Variants in PSMD1 observed in about 807,000 individuals in gnomAD.
PSMD1 encodes the protein proteasome 26S subunit, non-ATPase 1.
In PSMD1, 18 loss-of-function variants were observed where a neutral mutation model predicts 119.0. The observed-to-expected ratio is 0.15, with a 90% CI of 0.10 to 0.22. The LOEUF (loss-of-function observed/expected upper bound fraction) is 0.22. PSMD1 is among the 10% of genes least tolerant of loss of function. The pLI is 1.00. For synonymous variants in PSMD1, 374 were observed against 396.6 expected (o/e 0.94, Z 0.68); for missense variants, 702 against 1,158.5 (o/e 0.61, Z 5.72).
intron 18 of PSMD1, among the ~76,000 whole-genome samples, chr2:231,147,172 A>C (rs1038273782): frequency 1.3e-5 from 2 of 152,128 alleles, no homozygotes; most frequent in African/African-American, 4.8e-5. Flanking sequence ...GGGTGACTCC[A>C]TAATAGTTTT....
At chr2:231,123,611 T>C in intron 16 of PSMD1, 1 of 1,614,160 alleles carries the variant, frequency 6.2e-7, no homozygotes, top group Non-Finnish European at 8.5e-7. Context: ...TGCAGTTTAT[T>C]TCCCTGTTCC....
Position 231,165,629 on chromosome 2 carries a change from T to C in PSMD1, c.2569-242T>C, listed in dbSNP as rs180755605. ...ATTATCACTTGTTTAGGTAGACCTTTTTCTGATCTCTGCTGGTAGAAAAAC... is the reference window on the plus strand; with the variant it reads ...ATTATCACTTGTTTAGGTAGACCTTCTTCTGATCTCTGCTGGTAGAAAAAC... On this transcript the variant is annotated intron_variant, in intron 22 of 24. Transcript: ENST00000308696. Among the ~76,000 whole-genome samples, 3 of 152,284 alleles carry C rather than the reference T, an allele frequency of 2.0e-5. No homozygotes were observed. In the East Asian group the frequency reaches 5.8e-4, roughly 29 times the overall value.
At chr2:231,109,830 C>T (rs1053322076) in intron 16 of PSMD1, among the ~76,000 whole-genome samples, 13 of 152,100 alleles carry the variant, frequency 8.5e-5, no homozygotes, top group Non-Finnish European at 1.6e-4. Flanking sequence ...TACATTTATT[C>T]AATATCTTTA....
chr2:231,097,768 G>A (rs1370803809), intron 16 of PSMD1, among the ~76,000 whole-genome samples: 1 of 152,078 alleles, frequency 6.6e-6, no homozygotes, highest in East Asian at 1.9e-4. Flanking sequence ...AGACCCATAG[G>A]GGGCTTCTCT....
rs535910756 is a variant in PSMD1, at chr2:231,104,368, A to G, written c.1883+17187A>G. ...TTTGCTGAGTTTTCCACTACATAGT[A>G]TAGTCAAATAAGTTATTTATGTGCT... is the stretch of plus-strand genomic sequence containing the variant. On this transcript the variant is annotated intron_variant, in intron 16 of 24. Coordinates refer to ENST00000308696, the MANE Select transcript of PSMD1 (RefSeq NM_002807.4). Among the ~76,000 whole-genome samples, 322 of 152,284 alleles carry G rather than the reference A, an allele frequency of 2.1e-3. 1 individual carries two copies. Among genetic ancestry groups the G allele is most frequent in the African/African-American group, 6.8e-3 (282 of 41,572 alleles).
intron 4 of PSMD1, among the ~76,000 whole-genome samples, chr2:231,066,096 T>C (rs1373711040): frequency 6.6e-6 from 1 of 152,198 alleles, no homozygotes; most frequent in Non-Finnish European, 1.5e-5. Context: ...TTATATAACA[T>C]CTAGGTTTGT....
intron 18 of PSMD1, among the ~76,000 whole-genome samples, chr2:231,152,325 A>G (rs1696393430): frequency 1.3e-5 from 2 of 152,312 alleles, no homozygotes; most frequent in East Asian, 1.9e-4. Context: ...TGTTAGTAGC[A>G]TTTAGATTGC....
In PSMD1 at chr2:231,057,032, A is replaced by T; in HGVS notation, c.7A>T (p.Thr3Ser). 6.5e-7 allele frequency: 1 copy of T among 1,533,888 alleles called. No homozygotes were observed. Among genetic ancestry groups the T allele is most frequent in the South Asian group, 1.2e-5 (1 of 83,516 alleles). ...GCGAGTGAGGGGCGCAGCCATGATC[A>T]CCTCGGCCGGTGAGTGCGGCCCGTA... is the stretch of plus-strand genomic sequence containing the variant. MI[T>S]SAAGIISLLD... Residue 3 changes from threonine (T) to serine (S), a missense_variant, in exon 1 of 25, where the codon ACC becomes TCC. Physicochemically the swap from Thr to Ser is moderately conservative, Grantham distance 58. Transcript: ENST00000308696.
At chr2:231,084,664 T>G (rs1351449704) in intron 14 of PSMD1, among the ~76,000 whole-genome samples, 1 of 152,154 alleles carries the variant, frequency 6.6e-6, no homozygotes, top group Non-Finnish European at 1.5e-5. Context: ...CCCAGGAATT[T>G]AAATAAGGTA....
intron 19 of PSMD1, among the ~76,000 whole-genome samples, chr2:231,160,558 T>A (rs771721314): frequency 9.9e-5 from 15 of 152,220 alleles, no homozygotes; most frequent in Non-Finnish European, 5.9e-5. Context: ...TGTATTTGCA[T>A]ATGATTGAAG....
chr2:231,121,996 A>G (rs1477146157), intron 16 of PSMD1, among the ~76,000 whole-genome samples: 2 of 133,592 alleles, frequency 1.5e-5, no homozygotes, highest in African/African-American at 5.5e-5. Context: ...ATGCATATAT[A>G]TTTCTACATA....
chr2:231,077,017 T>G lies in PSMD1; in HGVS notation c.943-17T>G, dbSNP rs1252724826. ...ACTGTTTATGAGTTTTCATTTTTTT[T>G]TTGTTTGTTTTGGCAGAGTCCAGAG... On this transcript the variant is annotated splice_polypyrimidine_tract_variant and intron_variant, in intron 8 of 24. Coordinates refer to ENST00000308696, the MANE Select transcript of PSMD1 (RefSeq NM_002807.4). The G allele has an allele frequency of 1.9e-6, 3 of 1,580,934 alleles. No individual in the cohort carries two copies. Among genetic ancestry groups the G allele is most frequent in the East Asian group, 2.3e-5 (1 of 44,290 alleles).
chr2:231,074,983 T>G (rs1315509252), intron 7 of PSMD1, among the ~76,000 whole-genome samples: 2 of 152,160 alleles, frequency 1.3e-5, no homozygotes, highest in African/African-American at 2.4e-5. Flanking sequence ...CACGCACCAC[T>G]ATACCTAGTT....
chr2:231,098,467 T>TTC (rs916329488), intron 16 of PSMD1, among the ~76,000 whole-genome samples: 4 of 149,704 alleles, frequency 2.7e-5, no homozygotes, highest in East Asian at 2.0e-4. Flanking sequence ...CTCTGTCTCT[T>TTC]TCTCTCTCTC....
intron 17 of PSMD1, among the ~76,000 whole-genome samples, chr2:231,139,904 A>G (rs962662124): frequency 2.6e-5 from 4 of 152,330 alleles, no homozygotes; most frequent in East Asian, 1.9e-4. Context: ...GAAATGTGCT[A>G]TTGCATAAAT....
At chr2:231,069,982 G>T in intron 5 of PSMD1, 43 bp from the exon 6 acceptor site, 8 of 1,302,352 alleles carry the variant, frequency 6.1e-6, no homozygotes, top group Non-Finnish European at 8.0e-6. Context: ...ATATAATGCT[G>T]CAATAACCAG....
At position 231,083,656 on chromosome 2, in the gene PSMD1, A is replaced by G; in HGVS notation, c.1615A>G (p.Thr539Ala). 1 of 1,614,158 alleles carries G rather than the reference A, an allele frequency of 6.2e-7. No individual in the cohort carries two copies. Among genetic ancestry groups the G allele is most frequent in the Non-Finnish European group, 8.5e-7 (1 of 1,180,050 alleles). Residue 539 changes from threonine to alanine, a missense_variant, in exon 14 of 25, where the codon ACT (threonine) becomes GCT (alanine). Thr to Ala is a moderately conservative substitution (Grantham distance 58). Coordinates refer to ENST00000308696, the MANE Select transcript of PSMD1 (RefSeq NM_002807.4). Reference protein sequence around the residue: ...IEDMVGYAQETQHEKILRGLA... With the variant: ...IEDMVGYAQEAQHEKILRGLA... Reference sequence around the variant, plus strand: ...GGACATGGTTGGTTATGCACAAGAAACTCAACATGAGAAGATTCTGCGTGG... The same window carrying G: ...GGACATGGTTGGTTATGCACAAGAAGCTCAACATGAGAAGATTCTGCGTGG...
At chr2:231,151,457 T>C (rs1696374471) in intron 18 of PSMD1, among the ~76,000 whole-genome samples, 1 of 152,138 alleles carries the variant, frequency 6.6e-6, no homozygotes, top group African/African-American at 2.4e-5. Context: ...AGAAATAAAA[T>C]GTGAGAAAAA....
intron 16 of PSMD1, among the ~76,000 whole-genome samples, chr2:231,101,797 A>G (rs1345705704): frequency 2.6e-5 from 4 of 152,148 alleles, no homozygotes; most frequent in Non-Finnish European, 5.9e-5. Context: ...GGTCGGTGGC[A>G]CTTTTTAGCT....
Sources: gnomAD v4.1 joint callset for allele counts (sites outside exome capture counted in the v4.1 genomes callset) on GRCh38, gnomAD v4.1.1 for gene constraint, MANE v1.5 for transcripts, NCBI Gene and HGNC (gene_info 2026-07-23, HGNC 2026-07-21) for gene names.